Variants in PCDHA4 observed in about 807,000 individuals in gnomAD.
PCDHA4 encodes the protein protocadherin alpha-4.
PCDHA4 carries 49 observed loss-of-function variants against 61.4 expected under a neutral mutation model. That is an observed-to-expected ratio of 0.80 (90% CI 0.63 to 1.01). The LOEUF (loss-of-function observed/expected upper bound fraction) is 1.01, where lower values mean the gene tolerates loss of function less well. PCDHA4 is among the 50% of genes least tolerant of loss of function. The pLI is 0.00. For missense variants in PCDHA4, 1,254 were observed against 1,235.8 expected, an observed-to-expected ratio of 1.01 and a Z score of -0.22; for synonymous variants, 590 against 550.3, an observed-to-expected ratio of 1.07 and a Z score of -1.01.
intron 1 of PCDHA4, among the ~76,000 whole-genome samples, chr5:140,974,111 T>C (rs1475006775): frequency 2.0e-5 from 3 of 152,280 alleles, no homozygotes; most frequent in Non-Finnish European, 4.4e-5. Flanking sequence ...AAGTATTCTT[T>C]TGCAGTGTTT....
chr5:140,954,046 G>C (rs1554221229), intron 1 of PCDHA4, among the ~76,000 whole-genome samples: 1 of 152,124 alleles, frequency 6.6e-6, no homozygotes, highest in African/African-American at 2.4e-5. Context: ...TTGGTTTTCT[G>C]TTCCTGCATT....
intron 1 of PCDHA4, chr5:140,830,478 A>G: frequency 2.0e-6 from 3 of 1,521,696 alleles, no homozygotes; most frequent in East Asian, 2.3e-5. Flanking sequence ...GAAGATCATG[A>G]TGCCAAAGTA....
chr5:140,941,214 C>CCTTTCTTT lies in PCDHA4; in HGVS notation c.2386-37700_2386-37693dup, dbSNP rs60032403. On this transcript the variant is annotated intron_variant, in intron 1 of 3. Coordinates refer to ENST00000530339, the MANE Select transcript of PCDHA4 (RefSeq NM_018907.4). ...TTTTTTCTTTCTTCCTTTCTTTCTTCCTTTCTTTCTTTCTTTCTTTCTTTC... is the reference window on the plus strand; with the variant it reads ...TTTTTTCTTTCTTCCTTTCTTTCTTCCTTTCTTTCTTTCTTTCTTTCTTTCTTTCTTTC... Among the ~76,000 whole-genome samples, 464 of 122,456 alleles carry CCTTTCTTT rather than the reference C, an allele frequency of 3.8e-3. 7 individuals are homozygous for CCTTTCTTT. The highest frequency in any genetic ancestry group is 0.025 in the Middle Eastern group (6 of 238). 80.3% of individuals were successfully genotyped at this position (122,456 alleles called of 152,430 possible).
At chr5:140,964,401 G>A (rs1230382796) in intron 1 of PCDHA4, among the ~76,000 whole-genome samples, 6 of 152,166 alleles carry the variant, frequency 3.9e-5, no homozygotes, top group Admixed American at 2.0e-4. Flanking sequence ...CCCAAGACAT[G>A]ACATTTGGGG....
At chr5:140,928,808 G>A (rs782344407) in intron 1 of PCDHA4, 3 of 1,614,062 alleles carry the variant, frequency 1.9e-6, no homozygotes, top group Non-Finnish European at 2.5e-6. Flanking sequence ...GTAGTGGTTC[G>A]GGACCATGGA....
intron 3 of PCDHA4, among the ~76,000 whole-genome samples, chr5:140,987,196 AGAGT>A (rs2097234784): frequency 6.6e-6 from 1 of 151,568 alleles, no homozygotes; most frequent in Non-Finnish European, 1.5e-5. Flanking sequence ...CCTGGGTGAC[AGAGT>A]GAGACTCCAT....
At chr5:140,894,997 T>C (rs566489828) in intron 1 of PCDHA4, among the ~76,000 whole-genome samples, 4 of 152,178 alleles carry the variant, frequency 2.6e-5, no homozygotes, top group Non-Finnish European at 5.9e-5. Flanking sequence ...TCCTTTACCC[T>C]TTTTACTTGG....
rs189094380 is a variant in PCDHA4 at position 140,918,016 on chromosome 5, T to C, written c.2386-60933T>C. Among the ~76,000 whole-genome samples the C allele has an allele frequency of 1.3e-4, 20 of 152,344 alleles. No individual in the cohort carries two copies. The East Asian group carries it at 3.9e-3, about 29-fold the overall frequency. ...TTATCTTAACAATGTTGTTTCTTCC[T>C]ACCCATGAGCGTGGAAGGTCTTTCC... On this transcript the variant is annotated intron_variant, in intron 1 of 3. Transcript: ENST00000530339.
intron 1 of PCDHA4, chr5:140,926,974 G>T (rs145276602): frequency 2.2e-4 from 360 of 1,610,140 alleles, no homozygotes; most frequent in Middle Eastern, 1.2e-3. Context: ...CTCAGTGCCG[G>T]AGGAGACGGA....
chr5:140,857,273 G>A, intron 1 of PCDHA4: 3 of 1,598,730 alleles, frequency 1.9e-6, no homozygotes, highest in Middle Eastern at 1.7e-4. Context: ...ATTGGTGCTG[G>A]ACAGCGCTCT....
intron 1 of PCDHA4, among the ~76,000 whole-genome samples, chr5:140,922,186 G>A (rs2080700999): frequency 6.6e-6 from 1 of 151,230 alleles, no homozygotes; most frequent in South Asian, 2.1e-4. Context: ...CAAAAAAAAA[G>A]TCTTATCTTT....
At chr5:140,941,381 A>G (rs2093056743) in intron 1 of PCDHA4, among the ~76,000 whole-genome samples, 1 of 128,140 alleles carries the variant, frequency 7.8e-6, no homozygotes, top group Non-Finnish European at 1.6e-5. Context: ...TAGTGACAGG[A>G]TTTTGGCTCA....
chr5:140,830,141 G>A (rs1770846453), intron 1 of PCDHA4: 1 of 1,613,282 alleles, frequency 6.2e-7, no homozygotes, highest in African/African-American at 1.3e-5. Context: ...ACGGGCGTCG[G>A]TGGGCGCCGC....
intron 1 of PCDHA4, among the ~76,000 whole-genome samples, chr5:140,886,130 C>T (rs2060865178): frequency 6.6e-6 from 1 of 152,144 alleles, no homozygotes; most frequent in African/African-American, 2.4e-5. Flanking sequence ...TCCGTAACAA[C>T]CAGATTCTTG....
chr5:140,862,713 C>T, intron 1 of PCDHA4: 1 of 561,970 alleles, frequency 1.8e-6, no homozygotes. Flanking sequence ...AGCGGGTGGG[C>T]GAGTGCGCGC....
chr5:140,968,124 G>A (rs202202452), intron 1 of PCDHA4: 59 of 1,614,008 alleles, frequency 3.7e-5, no homozygotes, highest in Non-Finnish European at 4.7e-5. Flanking sequence ...ACATCCCTGC[G>A]TACACTGAAG....
intron 1 of PCDHA4, among the ~76,000 whole-genome samples, chr5:140,940,219 T>C (rs1554213221): frequency 6.6e-6 from 1 of 152,180 alleles, no homozygotes; most frequent in Non-Finnish European, 1.5e-5. Context: ...TTGGCATTTA[T>C]TTCATTTTGG....
intron 3 of PCDHA4, among the ~76,000 whole-genome samples, chr5:140,996,834 A>G (rs527764387): frequency 1.7e-4 from 26 of 152,374 alleles, no homozygotes; most frequent in Middle Eastern, 3.4e-3. Flanking sequence ...CCAATAATTT[A>G]GCGTGCATCT....
At chr5:140,815,569 T>C (rs1483495177) in intron 1 of PCDHA4, 1 of 152,160 alleles carries the variant, frequency 6.6e-6, no homozygotes, top group Non-Finnish European at 1.5e-5. Flanking sequence ...TACTTTTGTC[T>C]TTTAATCAGA....
Sources: gnomAD v4.1 joint callset for allele counts (sites outside exome capture counted in the v4.1 genomes callset) on GRCh38, gnomAD v4.1.1 for gene constraint, MANE v1.5 for transcripts, NCBI Gene and HGNC (gene_info 2026-07-23, HGNC 2026-07-21) for gene names.